NPAS3: variants seen among roughly 807,000 people sequenced by gnomAD.
NPAS3 encodes neuronal PAS domain protein 3, also known as neuronal PAS domain-containing protein 3.
Under a neutral mutation model 73.1 loss-of-function variants are expected in NPAS3, and 14 were observed. The observed-to-expected ratio is 0.19, with a 90% confidence interval of 0.13 to 0.30. The LOEUF is 0.30. Among genes scored for constraint, NPAS3 ranks in the 10% least tolerant of loss-of-function variants. The pLI, the probability that NPAS3 is intolerant of heterozygous loss-of-function variation, is 1.00. For missense variants in NPAS3, 1,096 were observed against 1,250.0 expected (o/e 0.88, Z 1.86); for synonymous variants, 620 against 541.5 (o/e 1.14, Z -2.01).
upstream of NPAS3, among the ~76,000 whole-genome samples, chr14:32,938,515 G>GAGAGAA (rs1302813834): frequency 8.1e-6 from 1 of 123,222 alleles, no homozygotes; most frequent in Non-Finnish European, 1.8e-5. Flanking sequence ...GAGAGAGAGA[G>GAGAGAA]AGAGAGAGAA....
chr14:33,046,656 C>T (rs1449165973), intron 1 of NPAS3, among the ~76,000 whole-genome samples: 1 of 152,112 alleles, frequency 6.6e-6, no homozygotes, highest in Non-Finnish European at 1.5e-5. Context: ...GGCTGATCTC[C>T]AAGGTACTTC....
intron 1 of NPAS3, among the ~76,000 whole-genome samples, chr14:33,047,188 T>C (rs1204982710): frequency 6.6e-6 from 1 of 152,220 alleles, no homozygotes; most frequent in Admixed American, 6.5e-5. Flanking sequence ...AAGCTACTTA[T>C]ATACATATTA....
chr14:33,234,763 A>T (rs78600807), intron 3 of NPAS3, among the ~76,000 whole-genome samples: 1,789 of 152,216 alleles, frequency 0.012, 34 homozygotes, highest in African/African-American at 0.04. Context: ...GGTCTAGAAC[A>T]CTATACCTAT....
chr14:33,414,681 A>G lies in NPAS3; in HGVS notation c.468+47413A>G, dbSNP rs539429008. On this transcript the variant is annotated intron_variant, in intron 4 of 11. Transcript: ENST00000356141. ...TTGATTTCTGACAAGTGTTACCACA[A>G]AGCAAATACTATAAATATAATACTA... Among the ~76,000 whole-genome samples, 47 of 152,256 alleles carry G rather than the reference A, an allele frequency of 3.1e-4. 2 individuals carry two copies. The South Asian group carries it at 9.1e-3, about 30-fold the overall frequency.
At chr14:32,941,241 C>A (rs2035984197) in intron 1 of NPAS3, among the ~76,000 whole-genome samples, 1 of 44,080 alleles carries the variant, frequency 2.3e-5, no homozygotes, top group Admixed American at 1.8e-4. Context: ...TTCCCCTCCT[C>A]CCTCCTTTCC....
intron 2 of NPAS3, among the ~76,000 whole-genome samples, chr14:33,064,288 G>A (rs2041207298): frequency 6.6e-6 from 1 of 152,108 alleles, no homozygotes; most frequent in Admixed American, 6.5e-5. Context: ...AAAATATGCA[G>A]CAAGACATCT....
chr14:33,615,976 C>T (rs2057903251), intron 5 of NPAS3, among the ~76,000 whole-genome samples: 1 of 152,188 alleles, frequency 6.6e-6, no homozygotes, highest in South Asian at 2.1e-4. Context: ...TCCTGATGAG[C>T]CCAATAGAAA....
intron 2 of NPAS3, among the ~76,000 whole-genome samples, chr14:33,056,799 A>G (rs2040905398): frequency 6.6e-6 from 1 of 152,252 alleles, no homozygotes; most frequent in African/African-American, 2.4e-5. Context: ...TGATTGAAGC[A>G]ACATTAACCT....
At chr14:33,651,420 T>C (rs2058991007) in intron 5 of NPAS3, among the ~76,000 whole-genome samples, 1 of 152,232 alleles carries the variant, frequency 6.6e-6, no homozygotes, top group African/African-American at 2.4e-5. Flanking sequence ...ATCCAGTTCC[T>C]TAAGTTGTTT....
intron 2 of NPAS3, among the ~76,000 whole-genome samples, chr14:33,128,954 C>T (rs1333451067): frequency 6.6e-6 from 1 of 152,094 alleles, no homozygotes; most frequent in Non-Finnish European, 1.5e-5. Flanking sequence ...CATATACTGA[C>T]AATCTCTTTT....
At chr14:33,251,468 G>A (rs1162287743) in intron 3 of NPAS3, among the ~76,000 whole-genome samples, 1 of 152,114 alleles carries the variant, frequency 6.6e-6, no homozygotes, top group African/African-American at 2.4e-5. Context: ...TATAGCCACT[G>A]TGTTGCTTTC....
At chr14:33,007,635 T>G (rs949305592) in intron 1 of NPAS3, among the ~76,000 whole-genome samples, 6 of 152,334 alleles carry the variant, frequency 3.9e-5, no homozygotes, top group Middle Eastern at 3.4e-3. Context: ...TGCTTTACAC[T>G]TAAAATATAA....
chr14:33,782,260 G>A (rs1329030354), intron 9 of NPAS3, among the ~76,000 whole-genome samples: 1 of 152,172 alleles, frequency 6.6e-6, no homozygotes, highest in Admixed American at 6.5e-5. Flanking sequence ...CCATTGCTCA[G>A]GAGGTACTGG....
chr14:33,642,657 A>G (rs1305920743), intron 5 of NPAS3, among the ~76,000 whole-genome samples: 1 of 152,166 alleles, frequency 6.6e-6, no homozygotes, highest in African/African-American at 2.4e-5. Flanking sequence ...TGTCTTTTTA[A>G]AGAAAAACTG....
Position 33,123,808 on chromosome 14 carries a change from T to C in NPAS3, c.140+67814T>C, listed in dbSNP as rs2043322464. Among the ~76,000 whole-genome samples, 3 of 151,920 alleles carry C rather than the reference T, an allele frequency of 2.0e-5. No homozygotes were observed. The South Asian group carries it at 6.2e-4, about 31-fold the overall frequency. ...CTTAAAATCAATTAGTGTCAATGAG[T>C]TGAATTCCATAGGCTGGCAGTGTTT... is the stretch of plus-strand genomic sequence containing the variant. On this transcript the variant is annotated intron_variant, in intron 2 of 11. Coordinates refer to ENST00000356141, the Ensembl canonical transcript of NPAS3.
chr14:33,587,281 T>A (rs2056896599), intron 5 of NPAS3, among the ~76,000 whole-genome samples: 1 of 151,988 alleles, frequency 6.6e-6, no homozygotes, highest in Non-Finnish European at 1.5e-5. Flanking sequence ...ATAAATTTAT[T>A]TAATATCATA....
chr14:33,396,466 G>A (rs1374520866), intron 4 of NPAS3, among the ~76,000 whole-genome samples: 4 of 152,090 alleles, frequency 2.6e-5, no homozygotes, highest in South Asian at 2.1e-4. Context: ...GTTTTACATG[G>A]TAGAACTATT....
At chr14:32,958,075 A>G (rs1300458212) in intron 1 of NPAS3, among the ~76,000 whole-genome samples, 1 of 152,198 alleles carries the variant, frequency 6.6e-6, no homozygotes, top group Non-Finnish European at 1.5e-5. Flanking sequence ...CCTTAAATAT[A>G]CTTCATCAGT....
chr14:33,097,574 T>C lies in NPAS3; in HGVS notation c.140+41580T>C, dbSNP rs537126935. On this transcript the variant is annotated intron_variant, in intron 2 of 11. Transcript: ENST00000356141. Reference sequence around the variant, plus strand: ...GTGTAGTTTGCTCAGTCCTAGGATATGCATATGATTATCTTTTGTAGATAA... The same window carrying C: ...GTGTAGTTTGCTCAGTCCTAGGATACGCATATGATTATCTTTTGTAGATAA... 1.8e-4 allele frequency among the ~76,000 whole-genome samples: 27 copies of C among 152,338 alleles called. No individual in the cohort carries two copies. In the South Asian group the frequency reaches 4.6e-3, roughly 26 times the overall value.
Sources: allele counts gnomAD v4.1 joint callset (sites outside exome capture counted in the v4.1 genomes callset), GRCh38; gene constraint gnomAD v4.1.1; transcripts MANE v1.5; gene names NCBI Gene and HGNC (gene_info 2026-07-23, HGNC 2026-07-21).